RELN: variants seen among roughly 807,000 people sequenced by gnomAD.
RELN encodes reelin.
RELN carries 108 observed loss-of-function variants against 427.6 expected under a neutral mutation model. The observed-to-expected ratio is 0.25, with a 90% CI of 0.22 to 0.30. RELN has a LOEUF of 0.30. RELN is among the 10% of genes least tolerant of loss of function. RELN has a pLI of 1.00. For synonymous variants in RELN, 1,524 were observed against 1,513.4 expected (o/e 1.01, Z -0.16); for missense variants, 3,715 against 4,302.8 (o/e 0.86, Z 3.82).
intron 2 of RELN, among the ~76,000 whole-genome samples, chr7:103,874,207 C>G (rs1488131684): frequency 7.7e-5 from 9 of 117,582 alleles, no homozygotes; most frequent in South Asian, 4.4e-4. Flanking sequence ...GGATGTATTT[C>G]AAAATAATAA....
rs537666481 is a variant in RELN at position 103,882,502 on chromosome 7, C to T, written c.337+34573G>A. On this transcript the variant is annotated intron_variant, in intron 2 of 64. Transcript: ENST00000428762. ...ATTTATCCTGTCCTTTAAAAATCCT[C>T]CTGCCTGCTGGTTTTTTTGAAAATC... is the stretch of plus-strand genomic sequence containing the variant. Among the ~76,000 whole-genome samples, 3 of 152,008 alleles carry T rather than the reference C, an allele frequency of 2.0e-5. No individual in the cohort carries two copies. The East Asian group carries it at 5.8e-4, about 29-fold the overall frequency.
chr7:103,979,235 G>T (rs1427097833), intron 1 of RELN, among the ~76,000 whole-genome samples: 2 of 152,138 alleles, frequency 1.3e-5, no homozygotes, highest in African/African-American at 4.8e-5. Flanking sequence ...GTTCAGCTCT[G>T]ACCGCAAACT....
intron 2 of RELN, among the ~76,000 whole-genome samples, chr7:103,896,835 C>T (rs555901193): frequency 1.6e-4 from 24 of 152,112 alleles, no homozygotes; most frequent in East Asian, 3.9e-4. Context: ...TAGACTGATA[C>T]GACTTCAATT....
chr7:103,912,374 T>C (rs1795388873), intron 2 of RELN, among the ~76,000 whole-genome samples: 1 of 151,950 alleles, frequency 6.6e-6, no homozygotes, highest in Admixed American at 6.6e-5. Flanking sequence ...TTAGTAGAGA[T>C]GGGGTTTGAC....
intron 2 of RELN, among the ~76,000 whole-genome samples, chr7:103,870,661 C>T (rs1160122950): frequency 6.6e-6 from 1 of 152,078 alleles, no homozygotes; most frequent in Admixed American, 6.6e-5. Flanking sequence ...AGGTACTAAC[C>T]TAATCTTTTC....
Position 103,490,768 on chromosome 7 carries a change from A to T in RELN, c.9505T>A (p.Cys3169Ser), listed in dbSNP as rs1394617861. 6.2e-7 allele frequency: 1 copy of T among 1,614,100 alleles called. No individual in the cohort carries two copies. The highest frequency in any genetic ancestry group is 8.5e-7 in the Non-Finnish European group (1 of 1,180,048). The stretch of plus-strand genomic sequence containing the variant: ...GCTTCATGGAACTGGAAAGGGGAGC[A>T]GCCAATGCTGTTAGAAGAGGAAGGA... ...CLPSSSNSIGCSPFQFHEATI... is the reference protein window; with the variant it reads ...CLPSSSNSIGSSPFQFHEATI... Residue 3169 changes from cysteine to serine, a missense_variant, in exon 59 of 65, where the codon TGC becomes AGC. Cys to Ser is a moderately radical substitution (Grantham distance 112). Transcript: ENST00000428762.
chr7:103,562,532 T>C (rs1017120660), intron 34 of RELN, among the ~76,000 whole-genome samples: 3 of 152,194 alleles, frequency 2.0e-5, no homozygotes, highest in Admixed American at 6.5e-5. Flanking sequence ...AATCTGTTAT[T>C]TGGAGTATCT....
chr7:103,648,980 C>T (rs900786564), intron 16 of RELN, among the ~76,000 whole-genome samples: 1 of 151,904 alleles, frequency 6.6e-6, no homozygotes, highest in Non-Finnish European at 1.5e-5. Flanking sequence ...CTCTTAGACA[C>T]TTTTGGTGGG....
intron 1 of RELN, among the ~76,000 whole-genome samples, chr7:103,986,629 T>TAA (rs34403864): frequency 0.027 from 2,758 of 102,240 alleles, 50 homozygotes; most frequent in East Asian, 0.07. Flanking sequence ...TTCTTTTAGG[T>TAA]AAAAAAAAAA....
chr7:103,929,514 C>A (rs1795815422), intron 1 of RELN, among the ~76,000 whole-genome samples: 1 of 152,142 alleles, frequency 6.6e-6, no homozygotes, highest in Non-Finnish European at 1.5e-5. Flanking sequence ...GTTACATGTT[C>A]ATCAACTGAT....
At chr7:103,844,141 G>A (rs567956329) in intron 2 of RELN, among the ~76,000 whole-genome samples, 2 of 152,156 alleles carry the variant, frequency 1.3e-5, no homozygotes, top group Non-Finnish European at 2.9e-5. Flanking sequence ...AATCAAAAAG[G>A]AAGAGGCTTT....
chr7:103,782,867 G>A (rs917883894), intron 3 of RELN, among the ~76,000 whole-genome samples: 3 of 152,072 alleles, frequency 2.0e-5, no homozygotes, highest in Non-Finnish European at 4.4e-5. Flanking sequence ...TTTACCTCCA[G>A]GGGTGGGTTG....
intron 2 of RELN, among the ~76,000 whole-genome samples, chr7:103,891,965 A>G (rs1794859680): frequency 6.6e-6 from 1 of 152,202 alleles, no homozygotes; most frequent in African/African-American, 2.4e-5. Flanking sequence ...ATGTAGGGTA[A>G]GAGGAAGAAT....
intron 4 of RELN, among the ~76,000 whole-genome samples, chr7:103,774,014 G>A (rs941375261): frequency 2.6e-5 from 4 of 152,040 alleles, no homozygotes; most frequent in African/African-American, 4.8e-5. Context: ...AATGACTTTC[G>A]GTAGGGTGCG....
chr7:103,484,065 AG>A, intron 61 of RELN: 1 of 557,410 alleles, frequency 1.8e-6, no homozygotes, highest in South Asian at 2.1e-5. Context: ...TTTTTAGTAT[AG>A]ACGGGGTTTT....
chr7:103,660,529 A>G (rs1270990976), intron 12 of RELN, among the ~76,000 whole-genome samples: 2 of 152,236 alleles, frequency 1.3e-5, no homozygotes, highest in Non-Finnish European at 2.9e-5. Context: ...ATGATTATCA[A>G]AAAGGTGAAG....
At chr7:103,714,764 T>C (rs1283699824) in intron 8 of RELN, among the ~76,000 whole-genome samples, 1 of 152,070 alleles carries the variant, frequency 6.6e-6, no homozygotes, top group African/African-American at 2.4e-5. Flanking sequence ...AGGAGGGAAG[T>C]GTCCTGGGGC....
intron 20 of RELN, 68 bp downstream of exon 20, chr7:103,629,872 C>A: frequency 1.0e-6 from 1 of 997,642 alleles, no homozygotes; most frequent in Non-Finnish European, 1.6e-6. Context: ...GCTGAATAGA[C>A]TGGAAGATCA....
chr7:103,641,783 C>T (rs761678470), intron 16 of RELN, among the ~76,000 whole-genome samples: 3 of 152,176 alleles, frequency 2.0e-5, no homozygotes, highest in Non-Finnish European at 4.4e-5. Context: ...ATGTGCTCCA[C>T]TGTGCACCAA....
Sources: gnomAD v4.1 joint callset for allele counts (sites outside exome capture counted in the v4.1 genomes callset) on GRCh38, gnomAD v4.1.1 for gene constraint, MANE v1.5 for transcripts, NCBI Gene and HGNC (gene_info 2026-07-23, HGNC 2026-07-21) for gene names.